Variants in MTA3 observed in about 807,000 individuals in gnomAD.
MTA3 encodes the protein metastasis-associated protein MTA3.
In MTA3, 34 loss-of-function variants were observed where a neutral mutation model predicts 83.5. The observed-to-expected ratio is 0.41, with a 90% confidence interval of 0.31 to 0.54. The LOEUF is 0.54. Among genes scored for constraint, MTA3 ranks in the 20% least tolerant of loss-of-function variants. The pLI, the probability that MTA3 is intolerant of heterozygous loss-of-function variation, is 0.33. For missense variants in MTA3, 761 were observed against 726.4 expected, an observed-to-expected ratio of 1.05 and a Z score of -0.55; for synonymous variants, 303 against 252.7, an observed-to-expected ratio of 1.20 and a Z score of -1.89.
intron 3 of MTA3, among the ~76,000 whole-genome samples, chr2:42,593,346 G>C (rs1395848786): frequency 9.8e-5 from 1 of 10,186 alleles, no homozygotes; most frequent in Non-Finnish European, 1.7e-4. Flanking sequence ...GCGAGACTCT[G>C]TGTCAAAACA....
intron 15 of MTA3, among the ~76,000 whole-genome samples, 175 bp downstream of exon 15, chr2:42,719,249 AACACACACACAT>A (rs1335916512): frequency 2.6e-5 from 4 of 152,204 alleles, no homozygotes; most frequent in African/African-American, 7.2e-5. Flanking sequence ...CAGCACACAC[AACACACACACAT>A]ACACACACAG....
chr2:42,608,152 G>C (rs969945428), intron 3 of MTA3, among the ~76,000 whole-genome samples: 3 of 152,204 alleles, frequency 2.0e-5, no homozygotes, highest in African/African-American at 7.2e-5. Context: ...TGCTGTTGTA[G>C]AGCTGGTTGC....
chr2:42,720,528 C>T (rs1667330504), intron 15 of MTA3, among the ~76,000 whole-genome samples: 1 of 152,106 alleles, frequency 6.6e-6, no homozygotes, highest in African/African-American at 2.4e-5. Context: ...TTGATATCCC[C>T]TGAAAATGTC....
chr2:42,688,314 G>C (rs546346912), intron 9 of MTA3, among the ~76,000 whole-genome samples: 1 of 152,270 alleles, frequency 6.6e-6, no homozygotes, highest in South Asian at 2.1e-4. Flanking sequence ...CAACTCCTGG[G>C]CTCAAATGAT....
At chr2:42,620,159 C>T (rs1034226587) in intron 4 of MTA3, among the ~76,000 whole-genome samples, 4 of 150,146 alleles carry the variant, frequency 2.7e-5, no homozygotes, top group African/African-American at 7.4e-5. Context: ...TGCTCTGTCG[C>T]CCAGGCTGGA....
intron 9 of MTA3, among the ~76,000 whole-genome samples, chr2:42,685,956 T>A (rs1692330199): frequency 6.6e-6 from 1 of 152,204 alleles, no homozygotes; most frequent in Non-Finnish European, 1.5e-5. Flanking sequence ...GTTGGGGCAA[T>A]GTATTTCTTA....
At chr2:42,523,897 A>T (rs1354158533) in intron 2 of MTA3, among the ~76,000 whole-genome samples, 1 of 152,166 alleles carries the variant, frequency 6.6e-6, no homozygotes, top group East Asian at 1.9e-4. Flanking sequence ...AACCTGGGTG[A>T]AAGAGCCAGA....
chr2:42,667,594 G>GTT (rs879481075), intron 8 of MTA3, among the ~76,000 whole-genome samples: 12,883 of 87,588 alleles, frequency 0.15, 879 homozygotes, highest in Admixed American at 0.22. Context: ...GTGTGTGTGT[G>GTT]TGTGTGTGTG....
At chr2:42,565,330 G>A (rs115993062), upstream of MTA3, among the ~76,000 whole-genome samples, 1,889 of 151,756 alleles carry the variant, frequency 0.012, 38 homozygotes, top group African/African-American at 0.043. Context: ...AGGACCATAG[G>A]TGCGCACCAA....
chr2:42,499,479 T>C (rs576337669), intron 2 of MTA3, among the ~76,000 whole-genome samples: 2 of 150,742 alleles, frequency 1.3e-5, no homozygotes, highest in African/African-American at 2.4e-5. Flanking sequence ...GTAGATCTTA[T>C]AGGTGTTCTT....
chr2:42,649,716 C>G (rs1302061961), intron 6 of MTA3, among the ~76,000 whole-genome samples: 3 of 152,188 alleles, frequency 2.0e-5, no homozygotes, highest in African/African-American at 7.2e-5. Flanking sequence ...ATCTGAGGCA[C>G]TTTCCACTGT....
chr2:42,600,077 A>G (rs1026891541), intron 3 of MTA3, among the ~76,000 whole-genome samples: 5 of 152,244 alleles, frequency 3.3e-5, no homozygotes, highest in Middle Eastern at 3.4e-3. Context: ...ACATTCCTGT[A>G]GTCCCAGCTA....
intron 3 of MTA3, among the ~76,000 whole-genome samples, chr2:42,585,941 TA>T (rs891820025): frequency 3.3e-5 from 5 of 150,790 alleles, no homozygotes; most frequent in South Asian, 4.2e-4. Flanking sequence ...TGTGTCTCTT[TA>T]AAAAAAAATA....
At chr2:42,558,437 AT>A (rs1327146261) in intron 2 of MTA3, among the ~76,000 whole-genome samples, 1 of 151,750 alleles carries the variant, frequency 6.6e-6, no homozygotes, top group Non-Finnish European at 1.5e-5. Context: ...TTTAGTAGAG[AT>A]GGGGTTTCTC....
intron 3 of MTA3, among the ~76,000 whole-genome samples, chr2:42,593,305 C>G (rs1314507500): frequency 6.6e-6 from 1 of 151,272 alleles, no homozygotes; most frequent in African/African-American, 2.4e-5. Context: ...TGACCAACAT[C>G]GTGCTACTGC....
intron 2 of MTA3, among the ~76,000 whole-genome samples, chr2:42,571,957 A>C (rs972991350): frequency 3.3e-5 from 5 of 149,584 alleles, no homozygotes; most frequent in Non-Finnish European, 5.9e-5. Flanking sequence ...CAAAAAAAAA[A>C]AAAAATTGAA....
In MTA3 at chr2:42,756,110, G is replaced by C; in HGVS notation, c.*2711G>C. ...CTGAGAGGCAAAACAGGGGAGTGAGGGGCAACCCAGAGGTGGGGAACAACA... is the reference window on the plus strand; with the variant it reads ...CTGAGAGGCAAAACAGGGGAGTGAGCGGCAACCCAGAGGTGGGGAACAACA... On this transcript the variant is annotated 3_prime_UTR_variant, in exon 17 of 17. Coordinates refer to ENST00000405094, the MANE Select transcript of MTA3 (RefSeq NM_001330442.2). 1.3e-6 allele frequency: 1 copy of C among 776,692 alleles called. No individual in the cohort carries two copies. The highest frequency in any genetic ancestry group is 1.6e-6 in the Non-Finnish European group (1 of 639,118). The allele number at this position is 776,692 out of a possible 1,614,324, so 48.1% of individuals were successfully genotyped here.
At chr2:42,697,625 C>T in intron 10 of MTA3, 151 bp from the exon 11 acceptor site, 1 of 552,660 alleles carries the variant, frequency 1.8e-6, no homozygotes, top group Non-Finnish European at 3.2e-6. Flanking sequence ...GACATTATTG[C>T]AGTTTAAGAA....
At chr2:42,498,948 T>C (rs1349669025) in intron 2 of MTA3, among the ~76,000 whole-genome samples, 1 of 152,140 alleles carries the variant, frequency 6.6e-6, no homozygotes, top group Non-Finnish European at 1.5e-5. Context: ...TATTTTCGTC[T>C]CTCAGATTAC....
Sources: gnomAD v4.1 joint callset for allele counts (sites outside exome capture counted in the v4.1 genomes callset) on GRCh38, gnomAD v4.1.1 for gene constraint, MANE v1.5 for transcripts, NCBI Gene and HGNC (gene_info 2026-07-23, HGNC 2026-07-21) for gene names.